Variants in TOGARAM1 observed in about 807,000 individuals in gnomAD.
TOGARAM1 encodes the protein TOG array regulator of axonemal microtubules protein 1.
In TOGARAM1, 100 loss-of-function variants were observed where a neutral mutation model predicts 166.6. The observed-to-expected ratio is 0.60, with a 90% CI of 0.51 to 0.71. TOGARAM1 has a LOEUF of 0.71. Ranked by LOEUF, TOGARAM1 falls within the 30% of genes least tolerant of loss-of-function variation. The pLI is 0.00. For synonymous variants in TOGARAM1, 758 were observed against 763.8 expected (o/e 0.99, Z 0.13); for missense variants, 2,029 against 2,102.7 (o/e 0.96, Z 0.69).
chr14:45,049,516 C>T (rs1882253214), intron 14 of TOGARAM1, among the ~76,000 whole-genome samples: 1 of 152,166 alleles, frequency 6.6e-6, no homozygotes. Flanking sequence ...GCCTCGGCCT[C>T]CCAAAGTGCT....
At chr14:44,974,165 T>C (rs1886055800) in intron 1 of TOGARAM1, among the ~76,000 whole-genome samples, 1 of 152,000 alleles carries the variant, frequency 6.6e-6, no homozygotes. Flanking sequence ...CGTTTTGTAG[T>C]TTTCCCACAG....
At chr14:45,040,101 AT>A (rs1242558768) in intron 11 of TOGARAM1, among the ~76,000 whole-genome samples, 9 of 152,224 alleles carry the variant, frequency 5.9e-5, no homozygotes, top group African/African-American at 2.2e-4. Flanking sequence ...AAGGATTCAG[AT>A]TTTATAAATT....
chr14:45,022,658 C>T (rs375935776), intron 7 of TOGARAM1, among the ~76,000 whole-genome samples: 37 of 151,120 alleles, frequency 2.4e-4, no homozygotes, highest in Admixed American at 9.2e-4. Flanking sequence ...TGAGGTTCCC[C>T]ATTCATTTCT....
intron 7 of TOGARAM1, among the ~76,000 whole-genome samples, chr14:45,017,632 C>G (rs1880230454): frequency 6.6e-6 from 1 of 152,142 alleles, no homozygotes; most frequent in African/African-American, 2.4e-5. Context: ...GCCTGTAATC[C>G]CAGCACTTTG....
rs1462364497 is a variant in TOGARAM1 at position 44,963,476 on chromosome 14, C to T, written c.1055C>T (p.Pro352Leu). The T allele has an allele frequency of 1.2e-6, 2 of 1,614,156 alleles. No individual in the cohort carries two copies. The highest frequency in any genetic ancestry group is 2.2e-5 in the South Asian group (2 of 91,072). Residue 352 changes from proline to leucine, a missense_variant, in exon 1 of 20, where the codon CCT (proline) becomes CTT (leucine). Pro to Leu is a moderately conservative substitution (Grantham distance 98, BLOSUM62 -3). This residue lies in a region of TOGARAM1 where 1,453 missense variants were observed against 1,432.2 expected (regional missense o/e 1.01). Coordinates refer to ENST00000361462, the MANE Select transcript of TOGARAM1 (RefSeq NM_001308120.2). Reference sequence around the variant, plus strand: ...AGCAATCTTAAATTTGGGATTATTCCTCAGGAGCTGCATTCACGATTATTG... The same window carrying T: ...AGCAATCTTAAATTTGGGATTATTCTTCAGGAGCTGCATTCACGATTATTG... ...SNSNLKFGII[P>L]QELHSRLLDQ...
rs552747463 is a variant in TOGARAM1, at chr14:45,005,887, A to G, written c.2645-121A>G. On this transcript the variant is annotated intron_variant, in intron 4 of 19. Coordinates refer to ENST00000361462, the MANE Select transcript of TOGARAM1 (RefSeq NM_001308120.2). ...AGGCTTTATTCAGCTTGTTCTCCCC[A>G]GTGACCAGCTATAATGTGCTTTTTT... 112 of 723,214 alleles carry G rather than the reference A, an allele frequency of 1.5e-4. 1 individual carries two copies. Among genetic ancestry groups the G allele is most frequent in the Admixed American group, 3.4e-4 (11 of 32,224 alleles). The allele number at this position is 723,214 out of a possible 1,614,324, so 44.8% of individuals were successfully genotyped here. A position where few individuals can be genotyped will look rare whatever the true frequency, so the allele number is the denominator to read the frequency against.
chr14:45,043,698 T>G lies in TOGARAM1; in HGVS notation c.3825T>G (p.Ile1275Met). The G allele has an allele frequency of 5.6e-6, 9 of 1,602,322 alleles. No homozygotes were observed. The highest frequency in any genetic ancestry group is 7.7e-6 in the Non-Finnish European group (9 of 1,169,432). ...LLADEDWEKKIEGLNFIRCLA... is the reference protein window; with the variant it reads ...LLADEDWEKKMEGLNFIRCLA... The stretch of plus-strand genomic sequence containing the variant: ...CTTTTTCTCATAGGGAGAAGAAAAT[T>G]GAGGGACTGAATTTTATTAGATGCT... Residue 1275 changes from isoleucine to methionine, a missense_variant, in exon 12 of 20, where the codon ATT becomes ATG. By Grantham distance (10) the Ile-to-Met change is conservative. Coordinates refer to ENST00000361462, the MANE Select transcript of TOGARAM1 (RefSeq NM_001308120.2).
chr14:45,045,583 ATGTGTGTG>A (rs1200414644), intron 13 of TOGARAM1, among the ~76,000 whole-genome samples: 817 of 37,114 alleles, frequency 0.022, 32 homozygotes, highest in African/African-American at 0.059. Context: ...ATATATATAT[ATGTGTGTG>A]TGTGTGTGTG....
chr14:45,034,030 G>A (rs975418186), intron 11 of TOGARAM1, among the ~76,000 whole-genome samples: 7 of 152,160 alleles, frequency 4.6e-5, no homozygotes, highest in Middle Eastern at 6.8e-3. Context: ...GGTGGCACAC[G>A]TCTGTAGTAC....
intron 16 of TOGARAM1, among the ~76,000 whole-genome samples, chr14:45,066,189 T>C (rs1883130072): frequency 1.3e-5 from 2 of 152,140 alleles, no homozygotes; most frequent in African/African-American, 4.8e-5. Context: ...ATTTCACATA[T>C]GTTGTCATAA....
chr14:45,053,963 T>G (rs1480024145), intron 15 of TOGARAM1, among the ~76,000 whole-genome samples: 2 of 152,100 alleles, frequency 1.3e-5, no homozygotes, highest in Admixed American at 6.6e-5. Context: ...CACTGCAACC[T>G]CTGCCTCTGG....
chr14:44,976,667 G>A (rs1037011248), intron 1 of TOGARAM1, among the ~76,000 whole-genome samples: 1 of 152,048 alleles, frequency 6.6e-6, no homozygotes, highest in Admixed American at 6.6e-5. Flanking sequence ...TACCTGAAAT[G>A]TGATGTTATT....
intron 1 of TOGARAM1, chr14:44,978,183 G>T (rs1041400288): frequency 1.3e-5 from 2 of 152,198 alleles, no homozygotes; most frequent in African/African-American, 4.8e-5. Context: ...TGAGAATCAT[G>T]AAGAGTTAAG....
At chr14:45,058,390 G>A (rs1882745206) in intron 16 of TOGARAM1, among the ~76,000 whole-genome samples, 1 of 151,814 alleles carries the variant, frequency 6.6e-6, no homozygotes, top group Non-Finnish European at 1.5e-5. Flanking sequence ...CCCGTCCCAG[G>A]TTCAAGGGAT....
chr14:44,990,121 A>G (rs1887051584), intron 1 of TOGARAM1, among the ~76,000 whole-genome samples: 1 of 152,234 alleles, frequency 6.6e-6, no homozygotes, highest in East Asian at 1.9e-4. Context: ...AGATTTGGGT[A>G]GGGACACAAA....
intron 16 of TOGARAM1, among the ~76,000 whole-genome samples, chr14:45,063,513 C>G (rs914595163): frequency 8.1e-6 from 1 of 123,874 alleles, no homozygotes; most frequent in Non-Finnish European, 1.6e-5. Flanking sequence ...GAGACAGAGT[C>G]TCGCACTGTC....
chr14:44,974,989 A>G (rs1274288609), intron 1 of TOGARAM1, among the ~76,000 whole-genome samples: 1 of 152,116 alleles, frequency 6.6e-6, no homozygotes, highest in Admixed American at 6.6e-5. Flanking sequence ...CTTTAATTAC[A>G]CTTTTGATGA....
Position 45,004,093 on chromosome 14 carries a change from C to T in TOGARAM1, c.2371C>T (p.Gln791Ter), listed in dbSNP as rs1887824522. Residue 791 changes from glutamine (Q) to a stop codon, truncating the protein, a stop_gained, in exon 4 of 20, where the codon CAG (glutamine) becomes TAG (stop). Transcript: ENST00000361462. LOFTEE classifies it high-confidence loss of function. Reference protein sequence around the residue: ...YASLNFGSKTQQTFGSQTECT... With the variant: ...YASLNFGSKT ...TAGCCTCAATTTTGGCAGTAAGACA[C>T]AGCAAACATTTGGTAGTCAAACAGA... 6.2e-7 allele frequency: 1 copy of T among 1,614,008 alleles called. No individual in the cohort carries two copies. The highest frequency in any genetic ancestry group is 8.5e-7 in the Non-Finnish European group (1 of 1,179,964).
At chr14:44,993,040 A>G (rs1887230481) in intron 1 of TOGARAM1, among the ~76,000 whole-genome samples, 1 of 151,936 alleles carries the variant, frequency 6.6e-6, no homozygotes, top group African/African-American at 2.4e-5. Flanking sequence ...AGGTAGGCAG[A>G]TCATTTGAGC....
Sources: allele counts gnomAD v4.1 joint callset (sites outside exome capture counted in the v4.1 genomes callset), GRCh38; gene constraint gnomAD v4.1.1; regional missense constraint gnomAD v4.1.1; transcripts MANE v1.5; gene names NCBI Gene and HGNC (gene_info 2026-07-23, HGNC 2026-07-21).